Variants in CUX1 observed in about 807,000 individuals in gnomAD.
The protein encoded by CUX1 is cut like homeobox 1, also known as protein CASP.
In CUX1, 31 loss-of-function variants were observed where a neutral mutation model predicts 158.8. That is an observed-to-expected ratio of 0.20 (90% CI 0.15 to 0.26). The LOEUF (loss-of-function observed/expected upper bound fraction) is 0.26, where lower values mean the gene tolerates loss of function less well. Among genes scored for constraint, CUX1 ranks in the 10% least tolerant of loss-of-function variants. CUX1 has a pLI of 1.00. For missense variants in CUX1, 1,589 were observed against 2,014.6 expected (o/e 0.79, Z 4.04); for synonymous variants, 879 against 862.1 (o/e 1.02, Z -0.34).
At chr7:102,140,857 T>C (rs1248788801) in intron 8 of CUX1, among the ~76,000 whole-genome samples, 4 of 149,306 alleles carry the variant, frequency 2.7e-5, no homozygotes, top group African/African-American at 7.5e-5. Context: ...GGAGCGAGAC[T>C]TCGTCTCAAA....
chr7:101,921,115 C>T (rs1031430321), intron 2 of CUX1, among the ~76,000 whole-genome samples: 3 of 152,158 alleles, frequency 2.0e-5, no homozygotes, highest in Admixed American at 6.5e-5. Context: ...TGAGCCACTG[C>T]GCCCAGCTCT....
At chr7:102,087,828 T>A (rs1337539821) in intron 4 of CUX1, among the ~76,000 whole-genome samples, 1 of 152,144 alleles carries the variant, frequency 6.6e-6, no homozygotes, top group African/African-American at 2.4e-5. Context: ...TTTTTACTCA[T>A]CTATTTACCA....
chr7:102,200,452 C>T (rs1175475360), intron 17 of CUX1, among the ~76,000 whole-genome samples: 4 of 152,102 alleles, frequency 2.6e-5, no homozygotes, highest in Non-Finnish European at 5.9e-5. Flanking sequence ...AAGCGATTCT[C>T]CTGCCTCAGT....
chr7:102,155,443 G>C (rs1186440499), intron 8 of CUX1, among the ~76,000 whole-genome samples: 1 of 151,890 alleles, frequency 6.6e-6, no homozygotes, highest in Non-Finnish European at 1.5e-5. Flanking sequence ...CTACTCTGGA[G>C]GCTGAAGCGG....
intron 4 of CUX1, among the ~76,000 whole-genome samples, chr7:102,073,187 T>TTTTTTTTTC (rs1826345543): frequency 4.0e-5 from 5 of 125,192 alleles, no homozygotes; most frequent in Non-Finnish European, 8.4e-5. Context: ...TTTTTTTTTT[T>TTTTTTTTTC]TTCTGAGACA....
At chr7:101,862,818 A>T (rs940214236) in intron 1 of CUX1, among the ~76,000 whole-genome samples, 4 of 152,020 alleles carry the variant, frequency 2.6e-5, no homozygotes, top group Non-Finnish European at 5.9e-5. Context: ...CTCAGAGAGG[A>T]TAAAGACCCG....
Position 102,253,169 on chromosome 7 carries a change from G to A in CUX1, c.*4127G>A. 1.0e-6 allele frequency: 1 copy of A among 985,494 alleles called. No homozygotes were observed. Among genetic ancestry groups the A allele is most frequent in the South Asian group, 4.7e-5 (1 of 21,284 alleles). The allele number at this position is 985,494 out of a possible 1,614,324, so 61.0% of individuals were successfully genotyped here. A position where few individuals can be genotyped will look rare whatever the true frequency, so the allele number is the denominator to read the frequency against. On this transcript the variant is annotated 3_prime_UTR_variant, in exon 24 of 24. Coordinates refer to ENST00000292535, the MANE Select transcript of CUX1 (RefSeq NM_181552.4). Reference sequence around the variant, plus strand: ...ATTGAAAAACCATCCTGTCTGATGTGGACGTTCAGGTCTGCTGGTTGGCGG... The same window carrying A: ...ATTGAAAAACCATCCTGTCTGATGTAGACGTTCAGGTCTGCTGGTTGGCGG...
At chr7:101,855,003 G>C (rs1796627956) in intron 1 of CUX1, among the ~76,000 whole-genome samples, 1 of 152,214 alleles carries the variant, frequency 6.6e-6, no homozygotes, top group South Asian at 2.1e-4. Flanking sequence ...CCGAAGTGCT[G>C]GGATGACAGG....
At chr7:101,873,675 C>G (rs184596229) in intron 1 of CUX1, among the ~76,000 whole-genome samples, 1 of 152,264 alleles carries the variant, frequency 6.6e-6, no homozygotes, top group East Asian at 1.9e-4. Context: ...CCTCCACTTC[C>G]CGAGTTCAAG....
chr7:101,860,634 G>T (rs1253865369), intron 1 of CUX1, among the ~76,000 whole-genome samples: 5 of 152,088 alleles, frequency 3.3e-5, no homozygotes, highest in South Asian at 2.1e-4. Flanking sequence ...AAAACTAGAG[G>T]ATTGTACTAG....
chr7:101,940,333 T>C (rs1390543322), intron 2 of CUX1, among the ~76,000 whole-genome samples: 1 of 151,974 alleles, frequency 6.6e-6, no homozygotes, highest in Non-Finnish European at 1.5e-5. Flanking sequence ...TAAGTGTTGT[T>C]GGCAAGAGAA....
rs140187112 is a variant in CUX1, at chr7:102,215,994, G to A, written c.3130+10824G>A. On this transcript the variant is annotated intron_variant, in intron 20 of 23. Transcript: ENST00000292535. Reference sequence around the variant, plus strand: ...TCTGGGCTGCAGGCCTGGAAGACTCGGAAAGAAAACAACATTTAAGACCTC... The same window carrying A: ...TCTGGGCTGCAGGCCTGGAAGACTCAGAAAGAAAACAACATTTAAGACCTC... Among the ~76,000 whole-genome samples, 45 of 152,252 alleles carry A rather than the reference G, an allele frequency of 3.0e-4. No individual in the cohort carries two copies. In the East Asian group the frequency reaches 8.3e-3, roughly 28 times the overall value.
intron 20 of CUX1, chr7:102,281,813 C>A (rs782057213): frequency 5.2e-6 from 8 of 1,534,656 alleles, no homozygotes; most frequent in African/African-American, 1.4e-5. Context: ...CCGGCCCCAT[C>A]CCCACTCACC....
Position 102,248,958 on chromosome 7 carries a change from G to T in CUX1, c.4434G>T (p.Lys1478Asn). Residue 1478 changes from lysine (K) to asparagine (N), a missense_variant, in exon 24 of 24, where the codon AAG becomes AAT. Physicochemically the swap from Lys to Asn is moderately conservative, Grantham distance 94. Around this residue, in one of 8 missense-constraint regions of CUX1, gnomAD observed 344 missense variants for 323.7 expected, o/e 1.06. Coordinates refer to ENST00000292535, the MANE Select transcript of CUX1 (RefSeq NM_181552.4). This position sits in a 1 kb window ranked among gnomAD's most constrained non-coding sequence, Gnocchi z 5.8. Reference protein sequence around the residue: ...ARDSRDNPLRKKKAANLNSII... With the variant: ...ARDSRDNPLRNKKAANLNSII... Reference sequence around the variant, plus strand: ...ACTCGCGCGACAACCCCCTGCGCAAGAAGAAGGCCGCGAACTTGAACAGCA... The same window carrying T: ...ACTCGCGCGACAACCCCCTGCGCAATAAGAAGGCCGCGAACTTGAACAGCA... 6.7e-7 allele frequency: 1 copy of T among 1,485,058 alleles called. No homozygotes were observed. 92.0% of individuals were successfully genotyped at this position (1,485,058 alleles called of 1,614,324 possible). A position where few individuals can be genotyped will look rare whatever the true frequency, so the allele number is the denominator to read the frequency against.
chr7:102,211,644 G>A (rs1586237877), intron 20 of CUX1, among the ~76,000 whole-genome samples: 2 of 152,160 alleles, frequency 1.3e-5, no homozygotes, highest in African/African-American at 4.8e-5. Flanking sequence ...AGCCAGGCGT[G>A]GTGGTGCACA....
intron 14 of CUX1, among the ~76,000 whole-genome samples, chr7:102,267,393 G>C (rs1011138240): frequency 2.6e-5 from 4 of 152,010 alleles, no homozygotes; most frequent in African/African-American, 9.7e-5. Context: ...AATTAGCCAG[G>C]CATGGTGGTG....
At chr7:102,213,043 C>T (rs1385060569) in intron 20 of CUX1, among the ~76,000 whole-genome samples, 14 of 152,164 alleles carry the variant, frequency 9.2e-5, no homozygotes, top group African/African-American at 3.4e-4. Context: ...GGGGTTTCAC[C>T]ATGTTGCTCA....
At chr7:102,278,018 A>G (rs2230103) in exon 18 of CUX1, 48,485 of 1,606,984 alleles carry the variant, frequency 0.03, 885 homozygotes, top group Middle Eastern at 0.097. Flanking sequence ...CGCCGACAAC[A>G]TCAAGCTCTT....
At chr7:101,978,020 CT>C (rs912205688) in intron 2 of CUX1, among the ~76,000 whole-genome samples, 5 of 151,760 alleles carry the variant, frequency 3.3e-5, no homozygotes, top group African/African-American at 1.2e-4. Context: ...TTCGGCCCAC[CT>C]TGCCCATCAC....
Sources: allele counts gnomAD v4.1 joint callset (sites outside exome capture counted in the v4.1 genomes callset), GRCh38; gene constraint gnomAD v4.1.1; regional missense constraint gnomAD v4.1.1; non-coding constraint Gnocchi (gnomAD v3.1); transcripts MANE v1.5; gene names NCBI Gene and HGNC (gene_info 2026-07-23, HGNC 2026-07-21).